EXOSC10: variants seen among roughly 807,000 people sequenced by gnomAD.
EXOSC10 encodes exosome complex component 10.
A neutral mutation model predicts 126.6 loss-of-function variants in EXOSC10; 94 were observed. The observed-to-expected ratio is 0.74, with a 90% confidence interval of 0.63 to 0.88. EXOSC10 has a LOEUF of 0.88. Among genes scored for constraint, EXOSC10 ranks in the 40% least tolerant of loss-of-function variants. The pLI is 0.00. For missense variants in EXOSC10, 1,041 were observed against 1,100.5 expected (o/e 0.95, Z 0.77); for synonymous variants, 395 against 400.8 (o/e 0.99, Z 0.17).
At position 11,087,510 on chromosome 1, in the gene EXOSC10, G is replaced by C. The variant is rs1570836905; in HGVS notation, c.1027C>G (p.Leu343Val). Residue 343 changes from leucine to valine, a missense_variant, in exon 9 of 25, where the codon CTC becomes GTC. Transcript: ENST00000376936. Reference sequence around the variant, plus strand: ...ATGTACATGTCACTTCGAAGCTCGAGGGTGTCAATGATGAAGTCTTCCGTC... The same window carrying C: ...ATGTACATGTCACTTCGAAGCTCGACGGTGTCAATGATGAAGTCTTCCGTC... The part of the protein sequence containing the change: ...TRTEDFIIDT[L>V]ELRSDMYILN... 1.2e-6 allele frequency: 2 copies of C among 1,614,124 alleles called. No individual in the cohort carries two copies. The highest frequency in any genetic ancestry group is 1.7e-6 in the Non-Finnish European group (2 of 1,180,010).
rs572059756 is a variant in EXOSC10, at chr1:11,066,678, T to G, written c.*40A>C. ...GTATGTACAAAAGCAGCACCAGCAT[T>G]TGGTGCTTCCGGTCCACAGGCGCCA... On this transcript the variant is annotated 3_prime_UTR_variant, in exon 25 of 25. Coordinates refer to ENST00000376936, the MANE Select transcript of EXOSC10 (RefSeq NM_001001998.3). 1 of 1,605,778 alleles carries G rather than the reference T, an allele frequency of 6.2e-7. No individual in the cohort carries two copies. The highest frequency in any genetic ancestry group is 1.3e-5 in the African/African-American group (1 of 74,784).
chr1:11,076,084 G>A (rs560977589), intron 17 of EXOSC10, among the ~76,000 whole-genome samples: 1 of 152,060 alleles, frequency 6.6e-6, no homozygotes, highest in Non-Finnish European at 1.5e-5. Context: ...AGAATCGCTT[G>A]AACCTGGGAG....
rs758771389 is a variant in EXOSC10, at chr1:11,070,935, C to A, written c.2281G>T (p.Ala761Ser). 4 of 1,614,186 alleles carry A rather than the reference C, an allele frequency of 2.5e-6. No homozygotes were observed. Among genetic ancestry groups the A allele is most frequent in the Non-Finnish European group, 3.4e-6 (4 of 1,180,016 alleles). The change falls in exon 21 of 25, where the codon GCA becomes TCA. Residue 761 changes from alanine (A) to serine (S), a missense_variant. By Grantham distance (99) the Ala-to-Ser change is moderately conservative. Coordinates refer to ENST00000376936, the MANE Select transcript of EXOSC10 (RefSeq NM_001001998.3). Reference sequence around the variant, plus strand: ...TGTCGGACGGAGATGGCCTGTTCTGCTGCAGCTTTGCACGCCTCCTTTGCC... The same window carrying A: ...TGTCGGACGGAGATGGCCTGTTCTGATGCAGCTTTGCACGCCTCCTTTGCC... ...EQAKEACKAA[A>S]EQAISVRQQV...
Position 11,082,813 on chromosome 1 carries a change from G to A in EXOSC10, c.1155C>T (p.Asn385=), listed in dbSNP as rs1640243826. The change falls in exon 10 of 25, where the codon AAC becomes AAT. Residue 385 remains asparagine, a synonymous_variant. Transcript: ENST00000376936. ...LQKDFGLYVV[N]MFDTHQAARL... ...GTGCTGCCTGATGAGTATCAAACAT[G>A]TTTACTACATACAACCCAAAGTCTT... 2 of 1,614,040 alleles carry A rather than the reference G, an allele frequency of 1.2e-6. No individual in the cohort carries two copies.
Position 11,099,733 on chromosome 1 carries a change from G to A in EXOSC10, c.99C>T (p.Asp33=). Reference sequence around the variant, plus strand: ...CCCGCGAACTCACCTTCACAAAGCTGTCGGCGTCCGGGAAGCCTGGCAGCA... The same window carrying A: ...CCCGCGAACTCACCTTCACAAAGCTATCGGCGTCCGGGAAGCCTGGCAGCA... ...EMVLPGFPDA[D]SFVKFALGSV... The change falls in exon 1 of 25, where the codon GAC becomes GAT. Residue 33 remains aspartate (D), a synonymous_variant. Transcript: ENST00000376936. 6.2e-7 allele frequency: 1 copy of A among 1,609,400 alleles called. No individual in the cohort carries two copies. The highest frequency in any genetic ancestry group is 8.5e-7 in the Non-Finnish European group (1 of 1,177,912).
At position 11,069,650 on chromosome 1, in the gene EXOSC10, G is replaced by A; in HGVS notation, c.2397C>T (p.Leu799=). The A allele has an allele frequency of 1.2e-6, 2 of 1,614,172 alleles. No individual in the cohort carries two copies. Among genetic ancestry groups the A allele is most frequent in the Non-Finnish European group, 1.7e-6 (2 of 1,180,046 alleles). ...GGTCCTTTGGCTTCTTGGAAATTTT[G>A]AGTCGTTTCTTCTCTTGTTTCTGTT... is the stretch of plus-strand genomic sequence containing the variant. ...TTEQKQEKKR[L]KISKKPKDPE... Residue 799 remains leucine (L), a synonymous_variant, in exon 22 of 25, where the codon CTC becomes CTT. Transcript: ENST00000376936.
chr1:11,090,426 C>G, intron 6 of EXOSC10, 128 bp downstream of exon 6: 1 of 777,106 alleles, frequency 1.3e-6, no homozygotes, highest in Non-Finnish European at 2.2e-6. Context: ...TTGCTAAGGC[C>G]CAGGTTGGGG....
intron 9 of EXOSC10, among the ~76,000 whole-genome samples, chr1:11,086,798 T>C (rs1316417445): frequency 6.6e-6 from 1 of 152,042 alleles, no homozygotes; most frequent in East Asian, 1.9e-4. Context: ...CATACCAGAA[T>C]CTCTGGGACA....
intron 3 of EXOSC10, among the ~76,000 whole-genome samples, 165 bp from the exon 4 acceptor site, chr1:11,091,762 C>T (rs1019810237): frequency 2.0e-5 from 3 of 152,194 alleles, no homozygotes; most frequent in Admixed American, 2.0e-4. Context: ...CTGAATTGGG[C>T]TCACTGCAAC....
rs756920621 is a variant in EXOSC10 at position 11,091,138 on chromosome 1, C to T, written c.519G>A (p.Arg173=). 1.9e-6 allele frequency: 3 copies of T among 1,614,000 alleles called. No homozygotes were observed. Among genetic ancestry groups the T allele is most frequent in the African/African-American group, 2.7e-5 (2 of 74,914 alleles). The change falls in exon 5 of 25, where the codon CGG becomes CGA. Residue 173 remains arginine (R), a synonymous_variant. Coordinates refer to ENST00000376936, the MANE Select transcript of EXOSC10 (RefSeq NM_001001998.3). ...YGKKAKSETF[R]LLHAKNIIRP... ...GGATGATATTTTTTGCATGAAGCAGCCGGAAAGTTTCAGATTTTGCTTTTT... is the reference window on the plus strand; with the variant it reads ...GGATGATATTTTTTGCATGAAGCAGTCGGAAAGTTTCAGATTTTGCTTTTT...
At chr1:11,091,793 C>T (rs1373425927) in intron 3 of EXOSC10, among the ~76,000 whole-genome samples, 196 bp from the exon 4 acceptor site, 2 of 152,142 alleles carry the variant, frequency 1.3e-5, no homozygotes, top group South Asian at 2.1e-4. Context: ...AGGGTTCAAG[C>T]GATTCTCCTG....
chr1:11,068,213 G>C, intron 23 of EXOSC10, 129 bp from the exon 24 acceptor site: 1 of 719,256 alleles, frequency 1.4e-6, no homozygotes, highest in Non-Finnish European at 2.3e-6. Flanking sequence ...CCTGAGAGAG[G>C]ATGTTTCTGT....
At chr1:11,069,260 G>GAGAGAGAAAGAGAGA (rs1557690891) in intron 22 of EXOSC10, among the ~76,000 whole-genome samples, 1 of 118,870 alleles carries the variant, frequency 8.4e-6, no homozygotes, top group Non-Finnish European at 1.9e-5. Flanking sequence ...AGAGAGAGAG[G>GAGAGAGAAAGAGAGA]GTTTATGGGC....
chr1:11,091,435 C>A (rs1253937278), intron 4 of EXOSC10, 58 bp downstream of exon 4: 1 of 1,452,336 alleles, frequency 6.9e-7, no homozygotes, highest in African/African-American at 1.4e-5. Flanking sequence ...TTAGAATGAG[C>A]AAAATCTCTG....
At chr1:11,090,522 C>A (rs763836576) in intron 6 of EXOSC10, 32 bp downstream of exon 6, 17 of 1,557,146 alleles carry the variant, frequency 1.1e-5, no homozygotes, top group South Asian at 4.5e-5. Context: ...TAAGTACTCA[C>A]GGCAGAAAGT....
Position 11,080,362 on chromosome 1 carries a change from A to T in EXOSC10, c.1637+137T>A, listed in dbSNP as rs529159920. 16 of 1,082,536 alleles carry T rather than the reference A, an allele frequency of 1.5e-5. No individual in the cohort carries two copies. The African/African-American group carries it at 1.9e-4, about 13-fold the overall frequency. The allele number at this position is 1,082,536 out of a possible 1,614,324, so 67.1% of individuals were successfully genotyped here. A position where few individuals can be genotyped will look rare whatever the true frequency, so the allele number is the denominator to read the frequency against. On this transcript the variant is annotated intron_variant, in intron 13 of 24. Transcript: ENST00000376936. ...GAGGGCAGAAATTCTATATTCCTTC[A>T]ACTTGCTACCTTCCAAGCTTGGAGC...
intron 9 of EXOSC10, among the ~76,000 whole-genome samples, chr1:11,083,562 C>CAAAAAAAAAA (rs35412224): frequency 1.6e-3 from 107 of 65,858 alleles, no homozygotes; most frequent in African/African-American, 4.0e-3. Flanking sequence ...AACTCCGTCT[C>CAAAAAAAAAA]AAAAAAAAAA....
At chr1:11,089,486 C>T (rs2100216511) in intron 6 of EXOSC10, among the ~76,000 whole-genome samples, 1 of 150,562 alleles carries the variant, frequency 6.6e-6, no homozygotes, top group Non-Finnish European at 1.5e-5. Flanking sequence ...GGTGTGGTGG[C>T]ACATGCCTAT....
rs1640814825 is a variant in EXOSC10 at position 11,091,671 on chromosome 1, T to C, written c.373-74A>G. The C allele has an allele frequency of 1.2e-5, 13 of 1,106,652 alleles. No homozygotes were observed. In the Admixed American group the frequency reaches 2.4e-4, roughly 21 times the overall value. 68.6% of individuals were successfully genotyped at this position (1,106,652 alleles called of 1,614,324 possible). A position where few individuals can be genotyped will look rare whatever the true frequency, so the allele number is the denominator to read the frequency against. On this transcript the variant is annotated intron_variant, in intron 3 of 24. Coordinates refer to ENST00000376936, the MANE Select transcript of EXOSC10 (RefSeq NM_001001998.3). ...CAGAGTTAACTACCTAACATTTTAT[T>C]TATTTAACATGGAGTATCACTCTGT...
Sources: allele counts gnomAD v4.1 joint callset (sites outside exome capture counted in the v4.1 genomes callset), GRCh38; gene constraint gnomAD v4.1.1; transcripts MANE v1.5; gene names NCBI Gene and HGNC (gene_info 2026-07-23, HGNC 2026-07-21).